The following ACVR2A variants were observed in gnomAD, a reference collection of about 807,000 sequenced individuals.
The protein encoded by ACVR2A is activin receptor type-2A.
A neutral mutation model predicts 61.4 loss-of-function variants in ACVR2A; 7 were observed. That is an observed-to-expected ratio of 0.11 (90% CI 0.06 to 0.21). The LOEUF (loss-of-function observed/expected upper bound fraction) is 0.21. ACVR2A is among the 10% of genes least tolerant of loss of function. The pLI is 1.00. For synonymous variants in ACVR2A, 193 were observed against 208.3 expected, an observed-to-expected ratio of 0.93 and a Z score of 0.63; for missense variants, 322 against 621.7, an observed-to-expected ratio of 0.52 and a Z score of 5.13.
chr2:147,900,606 T>C (rs1221680273), intron 4 of ACVR2A: 3 of 152,218 alleles, frequency 2.0e-5, no homozygotes, highest in Admixed American at 6.5e-5. Flanking sequence ...CATTCTCTTA[T>C]CATGTAGACA....
chr2:147,866,942 A>C (rs1685871143), intron 1 of ACVR2A, among the ~76,000 whole-genome samples: 1 of 152,158 alleles, frequency 6.6e-6, no homozygotes, highest in East Asian at 1.9e-4. Flanking sequence ...AACTCTGGGG[A>C]ATGCTGTCAT....
chr2:147,916,260 G>C (rs1687247658), intron 5 of ACVR2A, among the ~76,000 whole-genome samples: 1 of 151,610 alleles, frequency 6.6e-6, no homozygotes, highest in Non-Finnish European at 1.5e-5. Flanking sequence ...AGTGTATTCT[G>C]TTGTGCCAAG....
chr2:147,874,590 C>T (rs377665127), intron 1 of ACVR2A, among the ~76,000 whole-genome samples: 2 of 151,976 alleles, frequency 1.3e-5, no homozygotes, highest in South Asian at 2.1e-4. Flanking sequence ...TTGAGCTGCA[C>T]GTTAGGGCTG....
intron 1 of ACVR2A, among the ~76,000 whole-genome samples, chr2:147,868,590 G>A (rs1360355282): frequency 1.3e-5 from 2 of 151,320 alleles, no homozygotes; most frequent in African/African-American, 4.9e-5. Context: ...CAAGGTTTTA[G>A]TCATTTCTGT....
chr2:147,904,460 C>T (rs1439008961), intron 4 of ACVR2A, among the ~76,000 whole-genome samples: 3 of 151,918 alleles, frequency 2.0e-5, no homozygotes, highest in East Asian at 1.9e-4. Context: ...TAACAAGGCA[C>T]GAAGTTAGCT....
intron 1 of ACVR2A, among the ~76,000 whole-genome samples, chr2:147,858,007 T>A (rs996193406): frequency 2.0e-5 from 3 of 152,094 alleles, no homozygotes; most frequent in African/African-American, 7.2e-5. Flanking sequence ...TGTTCCCCTC[T>A]ATGTGTCCAT....
chr2:147,877,063 T>G (rs540831224), intron 1 of ACVR2A, among the ~76,000 whole-genome samples: 1 of 152,294 alleles, frequency 6.6e-6, no homozygotes, highest in African/African-American at 2.4e-5. Context: ...GATTTTATGC[T>G]CTGGGTGGAC....
chr2:147,874,768 T>A (rs546627896), intron 1 of ACVR2A, among the ~76,000 whole-genome samples: 1 of 151,980 alleles, frequency 6.6e-6, no homozygotes, highest in Non-Finnish European at 1.5e-5. Context: ...AGGAGTTGGG[T>A]AGGAATAATA....
chr2:147,868,608 A>ATATTT (rs1377423197), intron 1 of ACVR2A, among the ~76,000 whole-genome samples: 25 of 150,482 alleles, frequency 1.7e-4, no homozygotes, highest in East Asian at 4.0e-4. Context: ...TGTTTCTGTT[A>ATATTT]TATTTTATTT....
At chr2:147,915,564 T>A (rs1245195878) in intron 5 of ACVR2A, among the ~76,000 whole-genome samples, 1 of 151,908 alleles carries the variant, frequency 6.6e-6, no homozygotes, top group Non-Finnish European at 1.5e-5. Flanking sequence ...GCATAGTAGA[T>A]CTTTTGCCAG....
intron 1 of ACVR2A, among the ~76,000 whole-genome samples, chr2:147,857,382 AAGCC>A (rs1275952758): frequency 2.0e-5 from 3 of 152,086 alleles, no homozygotes; most frequent in Non-Finnish European, 4.4e-5. Context: ...TCAGCTCACT[AAGCC>A]AGAGCACAGA....
In ACVR2A at chr2:147,887,738, A is replaced by T. The variant is rs571053261; in HGVS notation, c.56-8563A>T. On this transcript the variant is annotated intron_variant, in intron 1 of 10. Coordinates refer to ENST00000241416, the MANE Select transcript of ACVR2A (RefSeq NM_001616.5). The stretch of plus-strand genomic sequence containing the variant: ...TGCAGTACTTATTTTTTATGGTGAG[A>T]ACACTTAAAATCTAACCCCAATGGA... Among the ~76,000 whole-genome samples the T allele has an allele frequency of 1.6e-4, 24 of 152,298 alleles. No individual in the cohort carries two copies. In the South Asian group the frequency reaches 4.6e-3, roughly 29 times the overall value.
At chr2:147,927,015 T>A in intron 10 of ACVR2A, 65 bp from the exon 11 acceptor site, 1 of 1,489,550 alleles carries the variant, frequency 6.7e-7, no homozygotes. Context: ...CATGAAAATT[T>A]TATTGTTTCC....
intron 1 of ACVR2A, among the ~76,000 whole-genome samples, chr2:147,877,825 G>C (rs1219056999): frequency 6.6e-6 from 1 of 152,152 alleles, no homozygotes; most frequent in Non-Finnish European, 1.5e-5. Flanking sequence ...AAAGCTTTCT[G>C]TTTCTGTAGG....
At chr2:147,862,027 A>C (rs970539501) in intron 1 of ACVR2A, among the ~76,000 whole-genome samples, 2 of 152,168 alleles carry the variant, frequency 1.3e-5, no homozygotes, top group African/African-American at 2.4e-5. Context: ...TGAAGTCACT[A>C]ATCAGTGGAG....
At chr2:147,868,151 G>A (rs550607150) in intron 1 of ACVR2A, among the ~76,000 whole-genome samples, 9 of 152,258 alleles carry the variant, frequency 5.9e-5, no homozygotes, top group African/African-American at 1.9e-4. Flanking sequence ...CCCAGTTCAC[G>A]TTCACTGAAA....
At chr2:147,877,263 C>G (rs1021805189) in intron 1 of ACVR2A, among the ~76,000 whole-genome samples, 11 of 152,142 alleles carry the variant, frequency 7.2e-5, no homozygotes, top group Admixed American at 7.2e-4. Flanking sequence ...GGGAACAGTT[C>G]CCAATAATTA....
intron 1 of ACVR2A, 60 bp from the exon 2 acceptor site, chr2:147,896,241 G>C: frequency 2.7e-6 from 4 of 1,465,520 alleles, no homozygotes; most frequent in Non-Finnish European, 2.8e-6. Flanking sequence ...GCTATCTTGG[G>C]AAACAGTCTT....
intron 1 of ACVR2A, among the ~76,000 whole-genome samples, chr2:147,867,476 A>G (rs1685891797): frequency 1.3e-5 from 2 of 152,188 alleles, no homozygotes; most frequent in Admixed American, 6.6e-5. Context: ...TTGACTTTCC[A>G]TGTGTTTCTT....
Sources: allele counts gnomAD v4.1 joint callset (sites outside exome capture counted in the v4.1 genomes callset), GRCh38; gene constraint gnomAD v4.1.1; transcripts MANE v1.5; gene names NCBI Gene and HGNC (gene_info 2026-07-23, HGNC 2026-07-21).